Variants in VTA1 observed in about 807,000 individuals in gnomAD.
VTA1 encodes vacuolar protein sorting-associated protein VTA1 homolog.
In VTA1, 24 loss-of-function variants were observed where a neutral mutation model predicts 36.9. The observed-to-expected ratio is 0.65, with a 90% confidence interval of 0.47 to 0.91. The LOEUF is 0.91. Among genes scored for constraint, VTA1 ranks in the 40% least tolerant of loss-of-function variants. The probability of loss-of-function intolerance (pLI) is 0.00; values close to 1 mark genes in which losing one functional copy is unlikely to be tolerated. For synonymous variants in VTA1, 142 were observed against 130.2 expected, an observed-to-expected ratio of 1.09 and a Z score of -0.62; for missense variants, 393 against 377.2, an observed-to-expected ratio of 1.04 and a Z score of -0.35.
At chr6:142,192,336 T>A (rs764150106) in intron 5 of VTA1, among the ~76,000 whole-genome samples, 14 of 152,122 alleles carry the variant, frequency 9.2e-5, no homozygotes, top group Non-Finnish European at 2.1e-4. Flanking sequence ...TAAGCAATGA[T>A]GTTCGGTAGC....
intron 1 of VTA1, among the ~76,000 whole-genome samples, chr6:142,159,706 G>A (rs1036680936): frequency 6.6e-6 from 1 of 151,450 alleles, no homozygotes; most frequent in African/African-American, 2.4e-5. Context: ...GTAGAGACAG[G>A]GTTTCACCGT....
intron 6 of VTA1, among the ~76,000 whole-genome samples, chr6:142,200,436 T>A (rs1028711296): frequency 9.2e-5 from 14 of 152,098 alleles, no homozygotes; most frequent in African/African-American, 3.1e-4. Context: ...ATAGAAAGAC[T>A]GTCCAAGGAG....
At chr6:142,152,481 T>G (rs1229823003) in intron 1 of VTA1, among the ~76,000 whole-genome samples, 1 of 152,078 alleles carries the variant, frequency 6.6e-6, no homozygotes, top group South Asian at 2.1e-4. Context: ...ATTTAATTTA[T>G]AAAAATAAAA....
intron 7 of VTA1, among the ~76,000 whole-genome samples, chr6:142,209,903 C>CA (rs912255700): frequency 1.8e-4 from 28 of 151,406 alleles, no homozygotes; most frequent in Middle Eastern, 3.4e-3. Flanking sequence ...GACATTTTAC[C>CA]AAAAAAAAGA....
chr6:142,178,730 A>C (rs1470160277), intron 4 of VTA1, among the ~76,000 whole-genome samples: 2 of 152,064 alleles, frequency 1.3e-5, no homozygotes, highest in African/African-American at 2.4e-5. Context: ...CAAATTTTAG[A>C]CCTAAATACA....
rs751098807 is a variant in VTA1 at position 142,189,454 on chromosome 6, G to T, written c.440G>T (p.Trp147Leu). The change falls in exon 5 of 8, where the codon TGG becomes TTG. Residue 147 changes from tryptophan to leucine, a missense_variant. Transcript: ENST00000367630. ...ENVKHRKYARWKATYIHNCLK... is the reference protein window; with the variant it reads ...ENVKHRKYARLKATYIHNCLK... ...GTGAAACACAGGAAGTATGCCAGAT[G>T]GAAGGCAACATACATCCATAATTGT... 2 of 1,613,892 alleles carry T rather than the reference G, an allele frequency of 1.2e-6. No homozygotes were observed. Among genetic ancestry groups the T allele is most frequent in the Non-Finnish European group, 8.5e-7 (1 of 1,179,912 alleles).
chr6:142,178,771 G>T (rs1775172139), intron 4 of VTA1, among the ~76,000 whole-genome samples: 1 of 151,886 alleles, frequency 6.6e-6, no homozygotes, highest in African/African-American at 2.4e-5. Flanking sequence ...AATTGTAAAT[G>T]GACTAACACC....
At chr6:142,155,003 TA>T (rs1394865681) in intron 1 of VTA1, among the ~76,000 whole-genome samples, 1 of 152,156 alleles carries the variant, frequency 6.6e-6, no homozygotes, top group Non-Finnish European at 1.5e-5. Flanking sequence ...TGTGCTTTTT[TA>T]TATTTCTCAA....
At chr6:142,161,502 T>G (rs1774808434) in intron 1 of VTA1, among the ~76,000 whole-genome samples, 1 of 152,158 alleles carries the variant, frequency 6.6e-6, no homozygotes, top group Non-Finnish European at 1.5e-5. Context: ...AAATGTTTGT[T>G]TTCTAAATGT....
At chr6:142,191,360 C>G (rs1374715376) in intron 5 of VTA1, among the ~76,000 whole-genome samples, 1 of 152,056 alleles carries the variant, frequency 6.6e-6, no homozygotes, top group Non-Finnish European at 1.5e-5. Flanking sequence ...TTTCGGCATT[C>G]TTTCCATATC....
At position 142,156,439 on chromosome 6, in the gene VTA1, C is replaced by T. The variant is rs190441362; in HGVS notation, c.112+9040C>T. ...TCTGTTAATAGTATGTCTCTGAGCTCCATCTCTTTATTTTTCTTTAATGAA... is the reference window on the plus strand; with the variant it reads ...TCTGTTAATAGTATGTCTCTGAGCTTCATCTCTTTATTTTTCTTTAATGAA... On this transcript the variant is annotated intron_variant, in intron 1 of 7. Transcript: ENST00000367630. 9.1e-3 allele frequency among the ~76,000 whole-genome samples: 1,385 copies of T among 152,232 alleles called. 12 individuals carry two copies. The highest frequency in any genetic ancestry group is 0.014 in the Non-Finnish European group (979 of 68,016).
chr6:142,150,379 A>G (rs1444137921), intron 1 of VTA1, among the ~76,000 whole-genome samples: 1 of 152,190 alleles, frequency 6.6e-6, no homozygotes, highest in Non-Finnish European at 1.5e-5. Flanking sequence ...TTTCCTTCCA[A>G]AAACTGTTCT....
At position 142,223,505 on chromosome 6, in the gene VTA1, C is replaced by T. The variant is rs374326394; in HGVS notation, c.*4862C>T. The T allele has an allele frequency of 6.6e-6, 1 of 152,084 alleles. No individual in the cohort carries two copies. The allele number at this position is 152,084 out of a possible 1,614,324, so 9.4% of individuals were successfully genotyped here. A position where few individuals can be genotyped will look rare whatever the true frequency, so the allele number is the denominator to read the frequency against. ...AATAATGTTTATTATTAGATACTTC[C>T]TCAATTAAATTTCTCCCTGAAAGTC... On this transcript the variant is annotated 3_prime_UTR_variant, in exon 8 of 8. Transcript: ENST00000367630.
intron 5 of VTA1, among the ~76,000 whole-genome samples, chr6:142,195,953 C>T (rs1338819123): frequency 6.6e-6 from 1 of 152,070 alleles, no homozygotes; most frequent in Non-Finnish European, 1.5e-5. Context: ...AGCATATGAT[C>T]TGTCTTGGTG....
At chr6:142,182,556 A>G (rs574212525) in intron 4 of VTA1, among the ~76,000 whole-genome samples, 457 of 33,052 alleles carry the variant, frequency 0.014, 1 homozygote, top group South Asian at 0.019. Flanking sequence ...TTTTGAATGT[A>G]GAGCTGACAA....
intron 7 of VTA1, among the ~76,000 whole-genome samples, chr6:142,214,200 T>C (rs1454993447): frequency 6.6e-6 from 1 of 152,196 alleles, no homozygotes; most frequent in African/African-American, 2.4e-5. Context: ...TCTCTCAATT[T>C]CAAAATTCCA....
In VTA1 at chr6:142,173,389, G is replaced by A. The variant is rs934548434; in HGVS notation, c.411+2968G>A. ...AAAGTAACAGATCAGAATGCCACAT[G>A]GTTTATTGTGCTCTGGGCCTACAGG... On this transcript the variant is annotated intron_variant, in intron 4 of 7. Transcript: ENST00000367630. Among the ~76,000 whole-genome samples, 4 of 152,196 alleles carry A rather than the reference G, an allele frequency of 2.6e-5. No homozygotes were observed. In the South Asian group the frequency reaches 6.2e-4, roughly 24 times the overall value.
chr6:142,187,918 T>G (rs996205079), intron 4 of VTA1, among the ~76,000 whole-genome samples: 7 of 148,834 alleles, frequency 4.7e-5, no homozygotes, highest in African/African-American at 1.7e-4. Context: ...CTTTCTTTTT[T>G]TTTTTTTTTT....
chr6:142,193,556 T>A (rs1183030823), intron 5 of VTA1, among the ~76,000 whole-genome samples: 2 of 152,126 alleles, frequency 1.3e-5, no homozygotes, highest in Non-Finnish European at 2.9e-5. Flanking sequence ...TAAATGTATT[T>A]ATTCATTTAA....
Sources: allele counts gnomAD v4.1 joint callset (sites outside exome capture counted in the v4.1 genomes callset), GRCh38; gene constraint gnomAD v4.1.1; transcripts MANE v1.5; gene names NCBI Gene and HGNC (gene_info 2026-07-23, HGNC 2026-07-21).